The following SH3RF2 variants were observed in gnomAD, a reference collection of about 807,000 sequenced individuals.
SH3RF2 encodes SH3 domain containing ring finger 2, also known as E3 ubiquitin-protein ligase SH3RF2.
SH3RF2 carries 43 observed loss-of-function variants against 59.0 expected under a neutral mutation model. That is an observed-to-expected ratio of 0.73 (90% CI 0.57 to 0.94). The LOEUF is 0.94. SH3RF2 is among the 40% of genes least tolerant of loss of function. The probability of loss-of-function intolerance (pLI) is 0.00; values close to 1 mark genes in which losing one functional copy is unlikely to be tolerated. For missense variants in SH3RF2, 930 were observed against 940.1 expected (o/e 0.99, Z 0.14); for synonymous variants, 391 against 391.5 (o/e 1.00, Z 0.01).
intron 9 of SH3RF2, among the ~76,000 whole-genome samples, chr5:146,078,233 C>T (rs1258771065): frequency 6.6e-6 from 1 of 152,184 alleles, no homozygotes; most frequent in Non-Finnish European, 1.5e-5. Flanking sequence ...AAAGAAATCA[C>T]AACTTTACAG....
chr5:146,074,991 C>T (rs370695847), intron 9 of SH3RF2, among the ~76,000 whole-genome samples: 13 of 152,166 alleles, frequency 8.5e-5, no homozygotes, highest in African/African-American at 3.1e-4. Flanking sequence ...TCTCACAACA[C>T]CATACAAAAT....
chr5:146,050,433 A>C (rs1267371006), intron 7 of SH3RF2, among the ~76,000 whole-genome samples: 1 of 152,204 alleles, frequency 6.6e-6, no homozygotes, highest in African/African-American at 2.4e-5. Flanking sequence ...AGTCGGCCTG[A>C]GTCCTCATAG....
intron 2 of SH3RF2, among the ~76,000 whole-genome samples, chr5:145,984,379 G>A (rs1202687535): frequency 6.6e-6 from 1 of 152,178 alleles, no homozygotes; most frequent in Non-Finnish European, 1.5e-5. Flanking sequence ...CTTTGGGGAA[G>A]GAGATAGGAA....
In SH3RF2 at chr5:146,022,874, AACACACACACACACACACAC is replaced by A. The variant is rs57377156; in HGVS notation, c.1059+8843_1059+8862del. 1.2e-3 allele frequency among the ~76,000 whole-genome samples: 174 copies of A among 142,056 alleles called. 1 individual carries two copies. The highest frequency in any genetic ancestry group is 4.1e-3 in the African/African-American group (151 of 36,944). 93.2% of individuals were successfully genotyped at this position (142,056 alleles called of 152,430 possible). On this transcript the variant is annotated intron_variant, in intron 5 of 9. Coordinates refer to ENST00000359120, the MANE Select transcript of SH3RF2 (RefSeq NM_152550.4). Reference sequence around the variant, plus strand: ...GTGACACAGAGCAAGGCTCCATCTAAACACACACACACACACACACACACACACACACACACACACACACA... The same window carrying A: ...GTGACACAGAGCAAGGCTCCATCTAAACACACACACACACACACACACACA...
In SH3RF2 at chr5:146,044,182, G is replaced by C. The variant is rs531263701; in HGVS notation, c.1060-3590G>C. On this transcript the variant is annotated intron_variant, in intron 5 of 9. Transcript: ENST00000359120. ...TTTTTTGTTTTTAAGACAGAGTCTCGCTCTGTCACCCAGGCTAGAGTGCAA... is the reference window on the plus strand; with the variant it reads ...TTTTTTGTTTTTAAGACAGAGTCTCCCTCTGTCACCCAGGCTAGAGTGCAA... Among the ~76,000 whole-genome samples the C allele has an allele frequency of 1.3e-4, 20 of 149,232 alleles. No homozygotes were observed. In the East Asian group the frequency reaches 3.0e-3, roughly 22 times the overall value.
intron 2 of SH3RF2, among the ~76,000 whole-genome samples, chr5:145,968,757 A>G (rs1315542944): frequency 1.3e-5 from 2 of 152,246 alleles, no homozygotes. Flanking sequence ...ACAGCACATT[A>G]CAATTCTGAC....
chr5:145,997,157 G>A (rs1760197695), intron 2 of SH3RF2: 1 of 691,520 alleles, frequency 1.4e-6, no homozygotes, highest in African/African-American at 1.8e-5. Context: ...ACTTCCTGTT[G>A]CTCCTCATTC....
chr5:145,959,038 A>G (rs1758524074), intron 2 of SH3RF2, among the ~76,000 whole-genome samples: 1 of 152,220 alleles, frequency 6.6e-6, no homozygotes, highest in Non-Finnish European at 1.5e-5. Flanking sequence ...GAAGCAGGGA[A>G]AAGCTGTCCA....
intron 4 of SH3RF2, among the ~76,000 whole-genome samples, chr5:146,012,618 C>T (rs982673943): frequency 6.6e-6 from 1 of 152,160 alleles, no homozygotes; most frequent in East Asian, 1.9e-4. Flanking sequence ...GAATGAGATA[C>T]GGTTTTAGAG....
chr5:146,040,512 G>A (rs767613121), intron 5 of SH3RF2, among the ~76,000 whole-genome samples: 14 of 151,976 alleles, frequency 9.2e-5, no homozygotes, highest in Non-Finnish European at 1.8e-4. Flanking sequence ...GAAAGGTGAG[G>A]CTGGAGAGCA....
At chr5:146,065,907 T>C (rs1460802087), downstream of SH3RF2, among the ~76,000 whole-genome samples, 1 of 152,220 alleles carries the variant, frequency 6.6e-6, no homozygotes, top group African/African-American at 2.4e-5. Context: ...TCCTCATGCC[T>C]TGGCATCCCA....
chr5:146,031,868 G>A (rs1437186825), intron 5 of SH3RF2, among the ~76,000 whole-genome samples: 1 of 152,112 alleles, frequency 6.6e-6, no homozygotes, highest in Non-Finnish European at 1.5e-5. Context: ...TTTGGCTGGT[G>A]CATCCCCAGC....
intron 6 of SH3RF2, 144 bp from the exon 7 acceptor site, chr5:146,048,931 A>G (rs1468429132): frequency 2.3e-6 from 2 of 883,456 alleles, no homozygotes; most frequent in East Asian, 5.4e-5. Context: ...TGCTGGGATT[A>G]GAGGTGAGAA....
At chr5:146,057,156 T>C (rs1412955150) in intron 8 of SH3RF2, among the ~76,000 whole-genome samples, 1 of 152,230 alleles carries the variant, frequency 6.6e-6, no homozygotes, top group Non-Finnish European at 1.5e-5. Flanking sequence ...ATAGGATTGG[T>C]CAATACAGAA....
intron 4 of SH3RF2, among the ~76,000 whole-genome samples, chr5:146,010,552 C>CT (rs897740562): frequency 4.6e-5 from 7 of 152,272 alleles, no homozygotes; most frequent in Non-Finnish European, 1.0e-4. Flanking sequence ...TGTTTCCTGA[C>CT]TTTTTAATGT....
chr5:146,008,919 A>G (rs934513082), intron 4 of SH3RF2, among the ~76,000 whole-genome samples: 2 of 152,218 alleles, frequency 1.3e-5, no homozygotes, highest in African/African-American at 4.8e-5. Flanking sequence ...TTCATTTTGC[A>G]TAAAGCATTT....
chr5:146,033,583 G>A (rs1182127931), intron 5 of SH3RF2, among the ~76,000 whole-genome samples: 1 of 146,908 alleles, frequency 6.8e-6, no homozygotes, highest in African/African-American at 2.6e-5. Context: ...CCATTCTCCT[G>A]CCTCAGCCTC....
chr5:145,940,223 AG>A (rs988119023), intron 2 of SH3RF2, among the ~76,000 whole-genome samples: 5 of 152,232 alleles, frequency 3.3e-5, no homozygotes, highest in African/African-American at 1.2e-4. Flanking sequence ...GTGTTCAGGC[AG>A]GACCTGGGCT....
At chr5:145,953,478 G>T (rs1049321750) in intron 2 of SH3RF2, among the ~76,000 whole-genome samples, 4 of 152,158 alleles carry the variant, frequency 2.6e-5, no homozygotes, top group Non-Finnish European at 5.9e-5. Context: ...AAGATGCAGA[G>T]GGACAAAGAA....
Sources: gnomAD v4.1 joint callset for allele counts (sites outside exome capture counted in the v4.1 genomes callset) on GRCh38, gnomAD v4.1.1 for gene constraint, MANE v1.5 for transcripts, NCBI Gene and HGNC (gene_info 2026-07-23, HGNC 2026-07-21) for gene names.